The following DISP1 variants were observed in gnomAD, a reference collection of about 807,000 sequenced individuals.
DISP1 encodes protein dispatched homolog 1.
Under a neutral mutation model 37.3 loss-of-function variants are expected in DISP1, and 30 were observed. The ratio of observed to expected loss-of-function variants is 0.80; its 90% CI spans 0.60 to 1.09. The LOEUF (loss-of-function observed/expected upper bound fraction) is 1.09, where lower values mean the gene tolerates loss of function less well. DISP1 is among the 50% of genes least tolerant of loss of function. DISP1 has a pLI of 0.00. For synonymous variants in DISP1, 634 were observed against 690.2 expected (o/e 0.92, Z 1.28); for missense variants, 1,598 against 1,879.5 (o/e 0.85, Z 2.77).
At chr1:222,840,319 G>A (rs1340985500) in intron 1 of DISP1, among the ~76,000 whole-genome samples, 1 of 151,878 alleles carries the variant, frequency 6.6e-6, no homozygotes, top group Non-Finnish European at 1.5e-5. Flanking sequence ...TCGGCTTACT[G>A]CAACTTTTGC....
intron 1 of DISP1, among the ~76,000 whole-genome samples, chr1:222,828,417 CT>C (rs1258414305): frequency 6.6e-6 from 1 of 152,088 alleles, no homozygotes; most frequent in Non-Finnish European, 1.5e-5. Context: ...TCTCCTGAAC[CT>C]CCTTCTGATA....
chr1:222,970,070 G>A (rs1243858298), intron 3 of DISP1, among the ~76,000 whole-genome samples: 1 of 152,100 alleles, frequency 6.6e-6, no homozygotes, highest in Non-Finnish European at 1.5e-5. Flanking sequence ...AAGTACTTTG[G>A]GAAATTTTTA....
chr1:222,853,585 C>G (rs758728086), intron 1 of DISP1, among the ~76,000 whole-genome samples: 1 of 152,166 alleles, frequency 6.6e-6, no homozygotes, highest in East Asian at 1.9e-4. Flanking sequence ...TCCTGTCATT[C>G]ACAGCAACAT....
intron 3 of DISP1, among the ~76,000 whole-genome samples, chr1:222,967,589 G>A (rs543490322): frequency 1.3e-5 from 2 of 152,232 alleles, no homozygotes; most frequent in Non-Finnish European, 2.9e-5. Context: ...AATAGAAAGG[G>A]TGATTTGAAC....
At chr1:222,921,386 CTT>C (rs936522939) in intron 1 of DISP1, among the ~76,000 whole-genome samples, 13 of 152,234 alleles carry the variant, frequency 8.5e-5, no homozygotes, top group Admixed American at 1.3e-4. Flanking sequence ...AGTGAAAACT[CTT>C]TATTTTTTTT....
chr1:222,977,408 T>A (rs1450221028), intron 3 of DISP1, among the ~76,000 whole-genome samples: 1 of 151,390 alleles, frequency 6.6e-6, no homozygotes, highest in Admixed American at 6.6e-5. Context: ...GACTTAGTTG[T>A]CTTGTCTTGG....
chr1:222,821,740 G>A (rs1662986880), intron 1 of DISP1, among the ~76,000 whole-genome samples: 1 of 152,050 alleles, frequency 6.6e-6, no homozygotes, highest in Admixed American at 6.6e-5. Flanking sequence ...TTAGCCGGGT[G>A]TGGTGGCGGG....
Position 222,858,725 on chromosome 1 carries a change from A to T in DISP1, c.-159+43647A>T, listed in dbSNP as rs539689945. On this transcript the variant is annotated intron_variant, in intron 1 of 8. Coordinates refer to ENST00000675850, the MANE Select transcript of DISP1 (RefSeq NM_001377229.1). ...CATTCATGCAGCCAACAAACTTTTT[A>T]AAAAAAAGCTTAATATCACTGATCA... Among the ~76,000 whole-genome samples the T allele has an allele frequency of 2.7e-3, 404 of 152,176 alleles. 4 individuals are homozygous for T. In the South Asian group the frequency reaches 0.027, roughly 10 times the overall value.
intron 1 of DISP1, among the ~76,000 whole-genome samples, chr1:222,845,886 A>G (rs527822780): frequency 6.6e-6 from 1 of 152,318 alleles, no homozygotes; most frequent in Admixed American, 6.5e-5. Flanking sequence ...TTCACAGTGA[A>G]TCTGGATTTT....
intron 8 of DISP1, among the ~76,000 whole-genome samples, chr1:222,996,442 CTT>C (rs1679078235): frequency 6.6e-6 from 1 of 152,160 alleles, no homozygotes; most frequent in Non-Finnish European, 1.5e-5. Flanking sequence ...AGTCTGGTTA[CTT>C]TATAATCTCA....
intron 3 of DISP1, among the ~76,000 whole-genome samples, chr1:222,956,345 T>C (rs1193401377): frequency 1.3e-5 from 2 of 152,274 alleles, no homozygotes; most frequent in African/African-American, 4.8e-5. Context: ...TCAGAGCATA[T>C]TACTGTGACG....
chr1:222,817,094 G>A (rs1661438438), intron 1 of DISP1, among the ~76,000 whole-genome samples: 1 of 152,180 alleles, frequency 6.6e-6, no homozygotes, highest in African/African-American at 2.4e-5. Context: ...AGGTTGGATT[G>A]CCCTGTATTC....
chr1:222,888,484 T>C (rs1306618386), intron 1 of DISP1, among the ~76,000 whole-genome samples: 4 of 152,108 alleles, frequency 2.6e-5, no homozygotes, highest in Admixed American at 6.5e-5. Flanking sequence ...GGTAAAAAGT[T>C]TTACTTTAAG....
chr1:222,819,621 G>C (rs1662277992), intron 1 of DISP1, among the ~76,000 whole-genome samples: 1 of 147,530 alleles, frequency 6.8e-6, no homozygotes, highest in Admixed American at 7.0e-5. Flanking sequence ...CTCACTGCAA[G>C]CTCCGCCTCC....
intron 3 of DISP1, among the ~76,000 whole-genome samples, chr1:222,950,688 A>G (rs571761504): frequency 6.6e-6 from 1 of 152,282 alleles, no homozygotes; most frequent in East Asian, 1.9e-4. Context: ...TACGTCCTGA[A>G]CAGTCCATTT....
At chr1:222,830,618 G>A (rs986178223) in intron 1 of DISP1, among the ~76,000 whole-genome samples, 1 of 152,154 alleles carries the variant, frequency 6.6e-6, no homozygotes, top group Admixed American at 6.5e-5. Flanking sequence ...CTGACTTCAA[G>A]TGATCCACCT....
chr1:222,895,101 A>G (rs770880143), intron 1 of DISP1, among the ~76,000 whole-genome samples: 2 of 152,218 alleles, frequency 1.3e-5, no homozygotes, highest in Admixed American at 6.5e-5. Flanking sequence ...AATCTAGAGA[A>G]TAGTCTCAGT....
chr1:222,860,844 G>A (rs747572770), intron 1 of DISP1, among the ~76,000 whole-genome samples: 1 of 151,978 alleles, frequency 6.6e-6, no homozygotes, highest in Non-Finnish European at 1.5e-5. Flanking sequence ...CTGCACTCCA[G>A]CCTGGGAGAC....
chr1:222,939,453 A>G (rs1011614120), intron 2 of DISP1, among the ~76,000 whole-genome samples: 8 of 145,604 alleles, frequency 5.5e-5, no homozygotes, highest in African/African-American at 7.7e-5. Context: ...AGGGGATTTC[A>G]GGGTTCTTTG....
Sources: gnomAD v4.1 joint callset for allele counts (sites outside exome capture counted in the v4.1 genomes callset) on GRCh38, gnomAD v4.1.1 for gene constraint, MANE v1.5 for transcripts, NCBI Gene and HGNC (gene_info 2026-07-23, HGNC 2026-07-21) for gene names.